Variants in FRMPD4 observed in about 807,000 individuals in gnomAD.
FRMPD4 encodes the protein FERM and PDZ domain-containing protein 4.
Under a neutral mutation model 94.1 loss-of-function variants are expected in FRMPD4, and 22 were observed. That is an observed-to-expected ratio of 0.23 (90% CI 0.17 to 0.33). FRMPD4 has a LOEUF of 0.33. FRMPD4 is among the 10% of genes least tolerant of loss of function. The pLI is 1.00. For synonymous variants in FRMPD4, 631 were observed against 548.6 expected (o/e 1.15, Z -2.10); for missense variants, 1,111 against 1,339.9 (o/e 0.83, Z 2.67).
chrX:12,363,846 G>C (rs1468124511), intron 1 of FRMPD4, among the ~76,000 whole-genome samples: 1 of 111,637 alleles, frequency 9.0e-6, no homozygotes, highest in Non-Finnish European at 1.9e-5. Flanking sequence ...CCAGGAAGTG[G>C]CATCTTGCAA....
At chrX:12,657,758 A>G (rs1387077054) in intron 4 of FRMPD4, among the ~76,000 whole-genome samples, 1 of 112,383 alleles carries the variant, frequency 8.9e-6, no homozygotes, top group Non-Finnish European at 1.9e-5. Context: ...GTGTGATTGA[A>G]TAATTAATTA....
intron 1 of FRMPD4, among the ~76,000 whole-genome samples, chrX:12,274,108 CG>C (rs1334756687): frequency 6.6e-5 from 7 of 106,417 alleles, no homozygotes; most frequent in Non-Finnish European, 1.4e-4. Context: ...CCTATGGGTT[CG>C]GGGGGCCCCT....
At chrX:12,351,011 T>TA (rs1471732903) in intron 1 of FRMPD4, among the ~76,000 whole-genome samples, 4 of 110,951 alleles carry the variant, frequency 3.6e-5, no homozygotes, top group Non-Finnish European at 5.7e-5. Flanking sequence ...CCGTCTCTAC[T>TA]AAAAATACAA....
chrX:12,422,115 A>G (rs1267384394), intron 1 of FRMPD4, among the ~76,000 whole-genome samples: 1 of 112,314 alleles, frequency 8.9e-6, no homozygotes, highest in Non-Finnish European at 1.9e-5. Context: ...ATAAGTGAGT[A>G]TGGCTTTGGG....
intron 1 of FRMPD4, among the ~76,000 whole-genome samples, chrX:12,380,188 A>G (rs143921298): frequency 0.019 from 2,146 of 112,124 alleles, 67 homozygotes; most frequent in African/African-American, 0.065. Context: ...TGTTTAAGGT[A>G]CCAGTTAGGT....
chrX:12,671,004 A>G (rs190438426), intron 4 of FRMPD4, among the ~76,000 whole-genome samples: 3 of 112,824 alleles, frequency 2.7e-5, no homozygotes, highest in Non-Finnish European at 3.8e-5. Flanking sequence ...ATCACTGGTC[A>G]TTAGAGAAAT....
intron 1 of FRMPD4, among the ~76,000 whole-genome samples, chrX:12,469,436 G>C (rs759705853): frequency 1.8e-5 from 2 of 111,218 alleles, no homozygotes; most frequent in Non-Finnish European, 3.8e-5. Context: ...TGTTTTAGTA[G>C]AGATAGGGTT....
intron 2 of FRMPD4, among the ~76,000 whole-genome samples, chrX:12,501,951 C>T (rs1035412318): frequency 2.7e-5 from 3 of 111,629 alleles, no homozygotes; most frequent in Non-Finnish European, 3.8e-5. Flanking sequence ...TACTGATTCA[C>T]GGGGTTAAAT....
chrX:12,152,975 G>A (rs1488487966), intron 1 of FRMPD4, among the ~76,000 whole-genome samples: 5 of 96,392 alleles, frequency 5.2e-5, no homozygotes, highest in Non-Finnish European at 1.0e-4. Flanking sequence ...TGCCCAGGCC[G>A]GACTGCGGAC....
At chrX:12,650,447 GCACTTGT>G (rs74803137) in intron 4 of FRMPD4, among the ~76,000 whole-genome samples, 34,973 of 110,874 alleles carry the variant, frequency 0.32, 5,198 homozygotes, top group Non-Finnish European at 0.46. Context: ...TGCATAGTAG[GCACTTGT>G]CAAATATCTG....
At chrX:11,963,912 C>T (rs6640849) in intron 3 of FRMPD4, among the ~76,000 whole-genome samples, 4,623 of 111,088 alleles carry the variant, frequency 0.042, 183 homozygotes, top group East Asian at 0.23. Flanking sequence ...AAAAAATTCC[C>T]TAGGGATAAT....
chrX:12,285,876 TG>T (rs2054593115), intron 1 of FRMPD4, among the ~76,000 whole-genome samples: 1 of 112,004 alleles, frequency 8.9e-6, no homozygotes, highest in Admixed American at 9.5e-5. Context: ...CATATGTACT[TG>T]TATTTAGGAC....
chrX:12,197,616 T>C (rs1401567145), intron 1 of FRMPD4, among the ~76,000 whole-genome samples: 1 of 111,934 alleles, frequency 8.9e-6, no homozygotes, highest in Admixed American at 9.5e-5. Context: ...GGTGACTTTC[T>C]TGAGTGTGTG....
intron 1 of FRMPD4, among the ~76,000 whole-genome samples, chrX:12,459,969 C>T (rs868522829): frequency 3.6e-5 from 4 of 111,871 alleles, no homozygotes; most frequent in Admixed American, 9.5e-5. Flanking sequence ...TATTGTCAGT[C>T]TTTTTAATTT....
chrX:12,483,998 A>G (rs1357850352), intron 1 of FRMPD4, among the ~76,000 whole-genome samples: 1 of 111,726 alleles, frequency 9.0e-6, no homozygotes. Flanking sequence ...CACAACTGCA[A>G]AAGAATGGAA....
intron 1 of FRMPD4, among the ~76,000 whole-genome samples, chrX:11,855,014 C>T (rs7890817): frequency 0.28 from 31,500 of 111,014 alleles, 3,375 homozygotes; most frequent in Middle Eastern, 0.36. Flanking sequence ...CTTGGACAAC[C>T]GGGCATTTCC....
chrX:12,598,669 T>G (rs913685537), intron 2 of FRMPD4, among the ~76,000 whole-genome samples: 1 of 111,780 alleles, frequency 8.9e-6, no homozygotes, highest in African/African-American at 3.3e-5. Flanking sequence ...ATGTGTAAAG[T>G]TGGACAGTCT....
chrX:12,043,181 A>C (rs758084546), intron 3 of FRMPD4, among the ~76,000 whole-genome samples: 1 of 111,608 alleles, frequency 9.0e-6, no homozygotes, highest in Non-Finnish European at 1.9e-5. Context: ...TGGTGGCAGA[A>C]TTTGCCAAAA....
intron 1 of FRMPD4, among the ~76,000 whole-genome samples, chrX:12,181,378 T>G (rs759916857): frequency 8.9e-6 from 1 of 112,189 alleles, no homozygotes; most frequent in South Asian, 3.7e-4. Flanking sequence ...TTTCCACAAC[T>G]GAAGGGTTTT....
Sources: allele counts gnomAD v4.1 joint callset (sites outside exome capture counted in the v4.1 genomes callset), GRCh38; gene constraint gnomAD v4.1.1; transcripts MANE v1.5; gene names NCBI Gene and HGNC (gene_info 2026-07-23, HGNC 2026-07-21).